Variants in MINAR1 observed in about 807,000 individuals in gnomAD.
MINAR1 encodes the protein membrane integral NOTCH2 associated receptor 1.
In MINAR1, 40 loss-of-function variants were observed where a neutral mutation model predicts 65.1. The observed-to-expected ratio is 0.61, with a 90% CI of 0.48 to 0.80. The LOEUF (loss-of-function observed/expected upper bound fraction) is 0.80. Among genes scored for constraint, MINAR1 ranks in the 30% least tolerant of loss-of-function variants. The pLI is 0.00. For synonymous variants in MINAR1, 482 were observed against 449.1 expected (o/e 1.07, Z -0.93); for missense variants, 1,128 against 1,148.0 (o/e 0.98, Z 0.25).
chr15:79,450,565 C>T (rs1431322864), intron 1 of MINAR1, among the ~76,000 whole-genome samples: 1 of 151,980 alleles, frequency 6.6e-6, no homozygotes, highest in Non-Finnish European at 1.5e-5. Context: ...ATAATGAACC[C>T]CACAGCCAAT....
chr15:79,430,544 C>A (rs781428366), upstream of MINAR1, among the ~76,000 whole-genome samples: 42 of 152,264 alleles, frequency 2.8e-4, no homozygotes, highest in Non-Finnish European at 4.4e-4. Context: ...AGGCTTCTTA[C>A]CCTGGGGACC....
At chr15:79,443,105 G>A (rs1894917448) in intron 1 of MINAR1, among the ~76,000 whole-genome samples, 2 of 152,110 alleles carry the variant, frequency 1.3e-5, no homozygotes, top group South Asian at 2.1e-4. Context: ...GAGGGCAGGC[G>A]GAGGACACCA....
At chr15:79,467,266 T>TAAGA (rs1555430259) in intron 3 of MINAR1, among the ~76,000 whole-genome samples, 2 of 152,258 alleles carry the variant, frequency 1.3e-5, no homozygotes, top group Admixed American at 1.3e-4. Flanking sequence ...TTAAACAATC[T>TAAGA]AAGAAAATCT....
the MINAR1 span, chr15:79,419,948 A>G: frequency 6.6e-6 from 1 of 152,224 alleles, no homozygotes; most frequent in Non-Finnish European, 1.5e-5. Context: ...ATTGTCTACA[A>G]CCATAGAAAA....
chr15:79,418,859 C>A, the MINAR1 span: 2 of 152,214 alleles, frequency 1.3e-5, no homozygotes, highest in Non-Finnish European at 2.9e-5. Flanking sequence ...AGCCAGCTGG[C>A]CTCACTCCAT....
intron 1 of MINAR1, among the ~76,000 whole-genome samples, chr15:79,454,854 A>G (rs562367523): frequency 2.0e-5 from 3 of 152,256 alleles, no homozygotes; most frequent in Non-Finnish European, 4.4e-5. Flanking sequence ...ACAGGCATAC[A>G]TAATTGTTGA....
Position 79,456,876 on chromosome 15 carries a change from C to T in MINAR1, c.729C>T (p.Ser243=), listed in dbSNP as rs745325143. 5.0e-6 allele frequency: 8 copies of T among 1,614,010 alleles called. No homozygotes were observed. The Admixed American group carries it at 1.2e-4, about 24-fold the overall frequency. The part of the protein sequence containing the change: ...INQSIKETFI[S]NEEPFVVQSC... ...AGAGCATCAAGGAGACCTTCATTTC[C>T]AATGAGGAGCCATTTGTGGTCCAGT... The change falls in exon 2 of 4, where the codon TCC becomes TCT. Residue 243 remains serine, a synonymous_variant. Coordinates refer to ENST00000305428, the MANE Select transcript of MINAR1 (RefSeq NM_015206.3).
the MINAR1 span, chr15:79,411,695 G>A: frequency 5.7e-5 from 31 of 541,152 alleles, no homozygotes; most frequent in South Asian, 2.4e-4. Context: ...CTGGAATCCC[G>A]GCAGGAGGAG....
At chr15:79,467,493 T>C (rs1895910602) in intron 3 of MINAR1, among the ~76,000 whole-genome samples, 1 of 152,222 alleles carries the variant, frequency 6.6e-6, no homozygotes, top group South Asian at 2.1e-4. Flanking sequence ...GACAGTTGAT[T>C]AACCTCAGGG....
At chr15:79,414,184 G>A in the MINAR1 span, 3 of 152,152 alleles carry the variant, frequency 2.0e-5, no homozygotes, top group Non-Finnish European at 4.4e-5. Context: ...GGGGTTTCCT[G>A]CCTTTCTTTC....
intron 1 of MINAR1, among the ~76,000 whole-genome samples, chr15:79,455,532 C>T (rs1050122850): frequency 2.0e-4 from 30 of 152,204 alleles, no homozygotes; most frequent in African/African-American, 7.0e-4. Flanking sequence ...GAAAACTTCT[C>T]TGTGCCCCTT....
At chr15:79,448,681 T>C (rs531009910) in intron 1 of MINAR1, among the ~76,000 whole-genome samples, 211 of 152,316 alleles carry the variant, frequency 1.4e-3, no homozygotes, top group African/African-American at 4.9e-3. Context: ...TTTTGGCGTA[T>C]TGGAAAGGTT....
chr15:79,466,175 C>T (rs1203251948), intron 3 of MINAR1, among the ~76,000 whole-genome samples: 1 of 152,156 alleles, frequency 6.6e-6, no homozygotes, highest in African/African-American at 2.4e-5. Context: ...TCCCACCCTT[C>T]CATGTAACTT....
chr15:79,433,150 T>C (rs1894500156), intron 1 of MINAR1, among the ~76,000 whole-genome samples: 1 of 152,206 alleles, frequency 6.6e-6, no homozygotes, highest in South Asian at 2.1e-4. Flanking sequence ...GCGGTCCAAC[T>C]CAGGCAAATG....
intron 1 of MINAR1, among the ~76,000 whole-genome samples, chr15:79,440,752 T>C (rs1204530341): frequency 6.6e-6 from 1 of 152,216 alleles, no homozygotes; most frequent in Non-Finnish European, 1.5e-5. Context: ...CTGCGCCTCC[T>C]CTGACCATCT....
intron 1 of MINAR1, among the ~76,000 whole-genome samples, chr15:79,452,683 T>G (rs2141289295): frequency 8.8e-6 from 1 of 114,084 alleles, no homozygotes; most frequent in South Asian, 2.5e-4. Context: ...TGAGTCTGGG[T>G]GTGTGTGTGT....
At chr15:79,456,028 C>A (rs1444565093) in intron 1 of MINAR1, 70 bp from the exon 2 acceptor site, 8 of 884,096 alleles carry the variant, frequency 9.0e-6, no homozygotes, top group Middle Eastern at 2.4e-4. Context: ...TTATAAGGAG[C>A]TTGACTTCAA....
chr15:79,434,461 C>G (rs965102238), intron 1 of MINAR1, among the ~76,000 whole-genome samples: 1 of 152,212 alleles, frequency 6.6e-6, no homozygotes, highest in Non-Finnish European at 1.5e-5. Flanking sequence ...AATTTTCTCA[C>G]TCAGGATTCC....
At chr15:79,414,455 T>A in the MINAR1 span, 1 of 152,340 alleles carries the variant, frequency 6.6e-6, no homozygotes, top group East Asian at 1.9e-4. Context: ...AAAGTAGTGA[T>A]GTGTCAGGAT....
Sources: allele counts gnomAD v4.1 joint callset (sites outside exome capture counted in the v4.1 genomes callset), GRCh38; gene constraint gnomAD v4.1.1; transcripts MANE v1.5; gene names NCBI Gene and HGNC (gene_info 2026-07-23, HGNC 2026-07-21).